The following JAKMIP1 variants were observed in gnomAD, a reference collection of about 807,000 sequenced individuals.
JAKMIP1 encodes the protein janus kinase and microtubule-interacting protein 1.
Under a neutral mutation model 113.0 loss-of-function variants are expected in JAKMIP1, and 33 were observed. The observed-to-expected ratio is 0.29, with a 90% CI of 0.22 to 0.39. JAKMIP1 has a LOEUF of 0.39. JAKMIP1 is among the 10% of genes least tolerant of loss of function. The pLI is 1.00. For synonymous variants in JAKMIP1, 480 were observed against 459.9 expected (o/e 1.04, Z -0.56); for missense variants, 813 against 1,080.5 (o/e 0.75, Z 3.47).
rs1334588698 is a variant in JAKMIP1 at position 6,185,537 on chromosome 4, A to G, written c.-148+14716T>C. Among the ~76,000 whole-genome samples the G allele has an allele frequency of 4.6e-5, 7 of 152,170 alleles. No individual in the cohort carries two copies. The highest frequency in any genetic ancestry group is 1.5e-5 in the Non-Finnish European group (1 of 68,034). Reference sequence around the variant, plus strand: ...GTGGCAGACGCCTGTAGTCCCAGCTACTTGGGAGGCTGAGGCAGGAGAATG... The same window carrying G: ...GTGGCAGACGCCTGTAGTCCCAGCTGCTTGGGAGGCTGAGGCAGGAGAATG... On this transcript the variant is annotated intron_variant, in intron 1 of 20. Coordinates refer to ENST00000409021, the MANE Select transcript of JAKMIP1 (RefSeq NM_001099433.2). This position sits in a 1 kb window ranked among gnomAD's most constrained non-coding sequence, Gnocchi z 5.3.
At position 6,184,110 on chromosome 4, in the gene JAKMIP1, T is replaced by C. The variant is rs1726365168; in HGVS notation, c.-148+16143A>G. On this transcript the variant is annotated intron_variant, in intron 1 of 20. Coordinates refer to ENST00000409021, the MANE Select transcript of JAKMIP1 (RefSeq NM_001099433.2). This position sits in a 1 kb window ranked among gnomAD's most constrained non-coding sequence, Gnocchi z 4.5. ...GAGAATAAACCATCACTTCTCTGTT[T>C]TGTATATTGGAGCAGGGTGGTTTAG... 6.6e-6 allele frequency among the ~76,000 whole-genome samples: 1 copy of C among 152,306 alleles called. No individual in the cohort carries two copies. The highest frequency in any genetic ancestry group is 2.1e-4 in the South Asian group (1 of 4,824).
intron 1 of JAKMIP1, among the ~76,000 whole-genome samples, chr4:6,147,098 T>C (rs1720945957): frequency 6.6e-6 from 1 of 152,098 alleles, no homozygotes; most frequent in Non-Finnish European, 1.5e-5. Flanking sequence ...TAACTGGGAT[T>C]ACAGGAGCCA....
At position 6,179,056 on chromosome 4, in the gene JAKMIP1, G is replaced by A. The variant is rs987826571; in HGVS notation, c.-148+21197C>T. Among the ~76,000 whole-genome samples the A allele has an allele frequency of 1.3e-5, 2 of 152,204 alleles. No homozygotes were observed. Among genetic ancestry groups the A allele is most frequent in the Admixed American group, 6.5e-5 (1 of 15,282 alleles). On this transcript the variant is annotated intron_variant, in intron 1 of 20. Coordinates refer to ENST00000409021, the MANE Select transcript of JAKMIP1 (RefSeq NM_001099433.2). This position sits in a 1 kb window ranked among gnomAD's most constrained non-coding sequence, Gnocchi z 4.5. ...TATTCCCAGGAAAAAATAAAACTGG[G>A]CTATATGTCCAGAGAGTGGTTGGGG...
At chr4:6,152,048 G>T (rs926757106) in intron 1 of JAKMIP1, among the ~76,000 whole-genome samples, 8 of 151,822 alleles carry the variant, frequency 5.3e-5, no homozygotes, top group African/African-American at 1.9e-4. Context: ...AAAGGAGAAA[G>T]GAAGCAGGCG....
rs1455282137 is a variant in JAKMIP1, at chr4:6,108,059, G to A, written c.130-2092C>T. Among the ~76,000 whole-genome samples the A allele has an allele frequency of 1.3e-5, 2 of 152,174 alleles. No individual in the cohort carries two copies. Among genetic ancestry groups the A allele is most frequent in the African/African-American group, 4.8e-5 (2 of 41,442 alleles). ...GTGCAGGGCAGCCCGGGGCGTCTAG[G>A]GGCTGCTTCCTGGGAGGGGCAGAGG... On this transcript the variant is annotated intron_variant, in intron 2 of 20. Coordinates refer to ENST00000409021, the MANE Select transcript of JAKMIP1 (RefSeq NM_001099433.2). The surrounding 1 kb of genome is among the most constrained non-coding windows in gnomAD (Gnocchi z 5.6).
intron 3 of JAKMIP1, among the ~76,000 whole-genome samples, chr4:6,103,017 T>G (rs1713334155): frequency 6.6e-6 from 1 of 152,112 alleles, no homozygotes; most frequent in Non-Finnish European, 1.5e-5. Flanking sequence ...TTATTTTATT[T>G]TATTTTATAT....
In JAKMIP1 at chr4:6,108,981, T is replaced by C. The variant is rs1014157508; in HGVS notation, c.130-3014A>G. Among the ~76,000 whole-genome samples, 6 of 152,218 alleles carry C rather than the reference T, an allele frequency of 3.9e-5. No individual in the cohort carries two copies. Among genetic ancestry groups the C allele is most frequent in the Non-Finnish European group, 8.8e-5 (6 of 68,046 alleles). On this transcript the variant is annotated intron_variant, in intron 2 of 20. Coordinates refer to ENST00000409021, the MANE Select transcript of JAKMIP1 (RefSeq NM_001099433.2). This position sits in a 1 kb window ranked among gnomAD's most constrained non-coding sequence, Gnocchi z 5.6. ...GGCAGCTGAGAGGGCCTAGAAACAA[T>C]GACACCGCAGCAGTGATGGGCACGC...
chr4:6,083,607 C>CAA (rs201032315), intron 5 of JAKMIP1, among the ~76,000 whole-genome samples: 197 of 116,010 alleles, frequency 1.7e-3, no homozygotes, highest in African/African-American at 5.8e-3. Context: ...TGATTAAAGC[C>CAA]AAAAAAAAAA....
At chr4:6,174,663 G>A (rs753154669) in intron 1 of JAKMIP1, among the ~76,000 whole-genome samples, 4 of 152,000 alleles carry the variant, frequency 2.6e-5, no homozygotes, top group East Asian at 1.9e-4. Context: ...AGTCTTCCCC[G>A]AAACCCCCCG....
Position 6,085,531 on chromosome 4 carries a change from C to T in JAKMIP1, c.723G>A (p.Glu241=), listed in dbSNP as rs777068321. ...GQTQKLLLQK[E]ALDEQLVQVK... is the part of the protein sequence containing the mutation. ...CCTGAACCAGCTGCTCATCCAAAGC[C>T]TCTTTCTGCAGAAGCAGCTTCTGGG... The change falls in exon 4 of 21, where the codon GAG becomes GAA. Residue 241 remains glutamate (E), a synonymous_variant. Transcript: ENST00000409021. The T allele has an allele frequency of 1.2e-6, 2 of 1,614,220 alleles. No homozygotes were observed. The highest frequency in any genetic ancestry group is 1.1e-5 in the South Asian group (1 of 91,084).
Position 6,152,789 on chromosome 4 carries a change from A to AATATATATATATATATATATATAC in JAKMIP1, c.-147-39793_-147-39792insGTATATATATATATATATATATAT, listed in dbSNP as rs35192547. Among the ~76,000 whole-genome samples the AATATATATATATATATATATATAC allele has an allele frequency of 4.4e-3, 593 of 135,240 alleles. 3 individuals carry two copies. The highest frequency in any genetic ancestry group is 7.1e-3 in the Non-Finnish European group (454 of 64,304). The allele number at this position is 135,240 out of a possible 152,430, so 88.7% of individuals were successfully genotyped here. A position where few individuals can be genotyped will look rare whatever the true frequency, so the allele number is the denominator to read the frequency against. On this transcript the variant is annotated intron_variant, in intron 1 of 20. Transcript: ENST00000409021. ...AAACTCTGTCTCTACTAAAAATACA[A>AATATATATATATATATATATATAC]ATATATATATATATATATATACATA...
chr4:6,126,422 A>G (rs1040692520), intron 1 of JAKMIP1, among the ~76,000 whole-genome samples: 1 of 83,616 alleles, frequency 1.2e-5, no homozygotes, highest in Non-Finnish European at 2.4e-5. Context: ...ACCGTACAGA[A>G]ACACACACAC....
rs1728218805 is a variant in JAKMIP1 at position 6,199,570 on chromosome 4, C to T, written c.-148+683G>A. ...GGCCAGTGCGCCCAGGGCGCGCCGG[C>T]CCGGCAGGAGGGTGGGTGCCAGCCT... On this transcript the variant is annotated intron_variant, in intron 1 of 20. Transcript: ENST00000409021. The surrounding 1 kb of genome is among the most constrained non-coding windows in gnomAD (Gnocchi z 5.6). Among the ~76,000 whole-genome samples, 1 of 152,088 alleles carries T rather than the reference C, an allele frequency of 6.6e-6. No homozygotes were observed. Among genetic ancestry groups the T allele is most frequent in the African/African-American group, 2.4e-5 (1 of 41,442 alleles).
chr4:6,190,085 G>T (rs1727083152), intron 1 of JAKMIP1, among the ~76,000 whole-genome samples: 2 of 152,164 alleles, frequency 1.3e-5, no homozygotes, highest in African/African-American at 4.8e-5. Context: ...AAGTCAGCGG[G>T]TGTCTCCCCA....
Position 6,156,383 on chromosome 4 carries a change from C to G in JAKMIP1, c.-147-43386G>C, listed in dbSNP as rs1188185956. Among the ~76,000 whole-genome samples the G allele has an allele frequency of 6.6e-6, 1 of 152,228 alleles. No individual in the cohort carries two copies. The highest frequency in any genetic ancestry group is 1.9e-4 in the East Asian group (1 of 5,200). On this transcript the variant is annotated intron_variant, in intron 1 of 20. Transcript: ENST00000409021. This position sits in a 1 kb window ranked among gnomAD's most constrained non-coding sequence, Gnocchi z 5.0. ...CTTTAGTGGTACAAAAATAATGATG[C>G]ATGTCCCAATTGACAGCAGCTTAGA...
rs1190834880 is a variant in JAKMIP1, at chr4:6,186,678, C to T, written c.-148+13575G>A. ...CTTGGTCTAGTGTTCTATAGGTTTC[C>T]ACTAGGTCTAATTGGTGTGCAGTGT... On this transcript the variant is annotated intron_variant, in intron 1 of 20. Transcript: ENST00000409021. This position sits in a 1 kb window ranked among gnomAD's most constrained non-coding sequence, Gnocchi z 5.5. Among the ~76,000 whole-genome samples the T allele has an allele frequency of 6.6e-6, 1 of 152,146 alleles. No homozygotes were observed.
intron 3 of JAKMIP1, among the ~76,000 whole-genome samples, chr4:6,099,210 T>C (rs1712590833): frequency 6.6e-6 from 1 of 152,274 alleles, no homozygotes; most frequent in African/African-American, 2.4e-5. Flanking sequence ...TTACATTTAA[T>C]GTAACTACTG....
chr4:6,106,087 C>T lies in JAKMIP1; in HGVS notation c.130-120G>A. On this transcript the variant is annotated intron_variant, in intron 2 of 20. Coordinates refer to ENST00000409021, the MANE Select transcript of JAKMIP1 (RefSeq NM_001099433.2). This position sits in a 1 kb window ranked among gnomAD's most constrained non-coding sequence, Gnocchi z 5.9. ...CACGCCCAAGACACCCACCTGGGCC[C>T]ACGTTCCCATGGATTCCCCCTTCGG... The T allele has an allele frequency of 1.5e-6, 1 of 664,888 alleles. No homozygotes were observed. Among genetic ancestry groups the T allele is most frequent in the Non-Finnish European group, 2.5e-6 (1 of 395,542 alleles). 41.2% of individuals were successfully genotyped at this position (664,888 alleles called of 1,614,324 possible). A position where few individuals can be genotyped will look rare whatever the true frequency, so the allele number is the denominator to read the frequency against.
chr4:6,049,669 C>G lies in JAKMIP1; in HGVS notation c.1962+150G>C. 1 of 643,052 alleles carries G rather than the reference C, an allele frequency of 1.6e-6. No homozygotes were observed. Among genetic ancestry groups the G allele is most frequent in the South Asian group, 2.0e-5 (1 of 51,100 alleles). The allele number at this position is 643,052 out of a possible 1,614,324, so 39.8% of individuals were successfully genotyped here. A position where few individuals can be genotyped will look rare whatever the true frequency, so the allele number is the denominator to read the frequency against. On this transcript the variant is annotated intron_variant, in intron 15 of 20. Coordinates refer to ENST00000409021, the MANE Select transcript of JAKMIP1 (RefSeq NM_001099433.2). This position sits in a 1 kb window ranked among gnomAD's most constrained non-coding sequence, Gnocchi z 7.0. The stretch of plus-strand genomic sequence containing the variant: ...ACGAATGCCAACCCCACCACCCACA[C>G]AGGAACACGGCCATACAAAAGCCTT...
Sources: allele counts gnomAD v4.1 joint callset (sites outside exome capture counted in the v4.1 genomes callset), GRCh38; gene constraint gnomAD v4.1.1; non-coding constraint Gnocchi (gnomAD v3.1); transcripts MANE v1.5; gene names NCBI Gene and HGNC (gene_info 2026-07-23, HGNC 2026-07-21).